The following TAF4B variants were observed in gnomAD, a reference collection of about 807,000 sequenced individuals.
The protein encoded by TAF4B is transcription initiation factor TFIID subunit 4B.
TAF4B carries 38 observed loss-of-function variants against 86.4 expected under a neutral mutation model. That is an observed-to-expected ratio of 0.44 (90% CI 0.34 to 0.58). The LOEUF is 0.58. Ranked by LOEUF, TAF4B falls within the 20% of genes least tolerant of loss-of-function variation. TAF4B has a pLI of 0.02. For missense variants in TAF4B, 988 were observed against 1,027.6 expected (o/e 0.96, Z 0.53); for synonymous variants, 388 against 391.2 (o/e 0.99, Z 0.10).
At position 26,345,382 on chromosome 18, in the gene TAF4B, C is replaced by T. The variant is rs76554658; in HGVS notation, c.2316+10151C>T. 5.4e-4 allele frequency among the ~76,000 whole-genome samples: 83 copies of T among 152,324 alleles called. 1 individual carries two copies. The highest frequency in any genetic ancestry group is 1.8e-3 in the African/African-American group (76 of 41,574). On this transcript the variant is annotated intron_variant, in intron 13 of 14. Transcript: ENST00000269142. ...GGGCTGCTCCTTGCAGGCATGTCCT[C>T]GGGCCGGCTGAGCAACCCTGTGTAT...
At chr18:26,278,244 G>A (rs183616902) in intron 5 of TAF4B, among the ~76,000 whole-genome samples, 2 of 152,238 alleles carry the variant, frequency 1.3e-5, no homozygotes, top group East Asian at 1.9e-4. Context: ...TTGAGATTTA[G>A]TAAAGTTAAT....
At chr18:26,362,232 A>T (rs917754423) in intron 14 of TAF4B, among the ~76,000 whole-genome samples, 3 of 152,126 alleles carry the variant, frequency 2.0e-5, no homozygotes, top group Non-Finnish European at 4.4e-5. Flanking sequence ...CCACCTGTAA[A>T]ATGGGCATAT....
intron 11 of TAF4B, among the ~76,000 whole-genome samples, chr18:26,321,710 T>G (rs997706735): frequency 6.6e-6 from 1 of 152,168 alleles, no homozygotes; most frequent in South Asian, 2.1e-4. Flanking sequence ...TTATCTCAAA[T>G]CTACCCATTT....
chr18:26,381,525 G>T (rs936927843), intron 14 of TAF4B, among the ~76,000 whole-genome samples: 2 of 151,798 alleles, frequency 1.3e-5, no homozygotes, highest in East Asian at 2.0e-4. Flanking sequence ...TCAGGAGTTC[G>T]AGACCAGCCT....
At chr18:26,277,144 G>A (rs1032587249) in intron 5 of TAF4B, among the ~76,000 whole-genome samples, 16 of 152,004 alleles carry the variant, frequency 1.1e-4, no homozygotes, top group African/African-American at 3.6e-4. Flanking sequence ...GTGCAGTGGC[G>A]TGAACAAGGC....
intron 14 of TAF4B, among the ~76,000 whole-genome samples, chr18:26,362,976 A>G (rs189957506): frequency 1.1e-4 from 16 of 152,340 alleles, no homozygotes; most frequent in Admixed American, 5.2e-4. Flanking sequence ...ATTATGTAGT[A>G]TAAGTAATCC....
In TAF4B at chr18:26,226,700, G is replaced by A. The variant is rs1245651909; in HGVS notation, c.-234G>A. The A allele has an allele frequency of 1.0e-5, 4 of 396,686 alleles. No homozygotes were observed. Among genetic ancestry groups the A allele is most frequent in the Middle Eastern group, 6.2e-4 (1 of 1,616 alleles). The allele number at this position is 396,686 out of a possible 1,614,324, so 24.6% of individuals were successfully genotyped here. A position where few individuals can be genotyped will look rare whatever the true frequency, so the allele number is the denominator to read the frequency against. Reference sequence around the variant, plus strand: ...CTGAGGAAGCTGCGAGAGGTCGGGCGGGTGTCGCTCCGGGGGCAGCCCAGG... The same window carrying A: ...CTGAGGAAGCTGCGAGAGGTCGGGCAGGTGTCGCTCCGGGGGCAGCCCAGG... On this transcript the variant is annotated 5_prime_UTR_variant, in exon 1 of 15. Coordinates refer to ENST00000269142, the MANE Select transcript of TAF4B (RefSeq NM_005640.3).
At chr18:26,252,103 C>G (rs932502432) in intron 1 of TAF4B, among the ~76,000 whole-genome samples, 2 of 152,196 alleles carry the variant, frequency 1.3e-5, no homozygotes, top group East Asian at 3.8e-4. Context: ...GAACATGGAT[C>G]TCTTTCCATT....
At chr18:26,241,939 G>A (rs576464394) in intron 1 of TAF4B, among the ~76,000 whole-genome samples, 223 of 152,260 alleles carry the variant, frequency 1.5e-3, no homozygotes, top group African/African-American at 5.0e-3. Flanking sequence ...ATTGCCCTGT[G>A]GTCTGAGAGG....
At chr18:26,238,441 G>T (rs1328290560) in intron 1 of TAF4B, among the ~76,000 whole-genome samples, 5 of 152,020 alleles carry the variant, frequency 3.3e-5, no homozygotes, top group Admixed American at 6.6e-5. Context: ...TCTGAGGAGG[G>T]ATCCTAAAAT....
chr18:26,319,475 G>A lies in TAF4B; in HGVS notation c.2003-1595G>A, dbSNP rs893947173. Among the ~76,000 whole-genome samples, 7 of 152,096 alleles carry A rather than the reference G, an allele frequency of 4.6e-5. No individual in the cohort carries two copies. In the East Asian group the frequency reaches 9.6e-4, roughly 21 times the overall value. ...AGATTGCACCACTGCACTCCAGCCT[G>A]GGTGACAGAGCAAGACTCCATCTCA... On this transcript the variant is annotated intron_variant, in intron 10 of 14. Coordinates refer to ENST00000269142, the MANE Select transcript of TAF4B (RefSeq NM_005640.3).
intron 9 of TAF4B, among the ~76,000 whole-genome samples, chr18:26,314,003 G>T (rs960682538): frequency 6.6e-6 from 1 of 152,064 alleles, no homozygotes; most frequent in African/African-American, 2.4e-5. Context: ...TCTTATATGT[G>T]TTTGAGTATG....
At chr18:26,255,242 A>T (rs1245235181) in intron 1 of TAF4B, among the ~76,000 whole-genome samples, 1 of 152,060 alleles carries the variant, frequency 6.6e-6, no homozygotes, top group Non-Finnish European at 1.5e-5. Context: ...CCTATGAAAT[A>T]CTCAGCATCT....
Position 26,292,395 on chromosome 18 carries a change from C to T in TAF4B, c.1726+14C>T, listed in dbSNP as rs2144611910. On this transcript the variant is annotated intron_variant, in intron 8 of 14. Transcript: ENST00000269142. The stretch of plus-strand genomic sequence containing the variant: ...AGTTTCCTCCAGGTAGATGCTGGTC[C>T]ATCTCAGTCCCATCATGCTGGGTTA... The T allele has an allele frequency of 6.2e-7, 1 of 1,603,872 alleles. No individual in the cohort carries two copies. The highest frequency in any genetic ancestry group is 1.1e-5 in the South Asian group (1 of 88,926).
chr18:26,308,019 G>A (rs1329487738), intron 9 of TAF4B, among the ~76,000 whole-genome samples: 1 of 152,108 alleles, frequency 6.6e-6, no homozygotes, highest in Non-Finnish European at 1.5e-5. Context: ...GAGGCAGGGA[G>A]AATTGCTTGA....
At chr18:26,388,490 G>C (rs1428882052) in intron 14 of TAF4B, among the ~76,000 whole-genome samples, 1 of 152,248 alleles carries the variant, frequency 6.6e-6, no homozygotes, top group East Asian at 1.9e-4. Context: ...TTATGGTCTA[G>C]TGGGTATGTA....
Position 26,292,302 on chromosome 18 carries a change from C to G in TAF4B, c.1647C>G (p.Ser549=), listed in dbSNP as rs764376301. 2 of 1,614,132 alleles carry G rather than the reference C, an allele frequency of 1.2e-6. No homozygotes were observed. The highest frequency in any genetic ancestry group is 1.7e-6 in the Non-Finnish European group (2 of 1,180,006). ...AACAAGTGACCACAATTTCACATTC[C>G]TCAACATTGACCATTCAGAAATGTG... The part of the protein sequence containing the change: ...NEKQVTTISH[S]STLTIQKCGQ... Residue 549 remains serine, a synonymous_variant, in exon 8 of 15, where the codon TCC becomes TCG. Coordinates refer to ENST00000269142, the MANE Select transcript of TAF4B (RefSeq NM_005640.3).
At chr18:26,346,169 G>T (rs1791760) in intron 13 of TAF4B, among the ~76,000 whole-genome samples, 3 of 152,092 alleles carry the variant, frequency 2.0e-5, no homozygotes, top group Non-Finnish European at 4.4e-5. Context: ...GATAGATATC[G>T]TAATAAAGAA....
In TAF4B at chr18:26,254,726, G is replaced by A. The variant is rs116378909; in HGVS notation, c.344-10444G>A. 7.8e-3 allele frequency among the ~76,000 whole-genome samples: 1,185 copies of A among 152,284 alleles called. 14 individuals are homozygous for A. Among genetic ancestry groups the A allele is most frequent in the African/African-American group, 0.027 (1,122 of 41,546 alleles). On this transcript the variant is annotated intron_variant, in intron 1 of 14. Coordinates refer to ENST00000269142, the MANE Select transcript of TAF4B (RefSeq NM_005640.3). ...ACAGGGTCTCGCCTGTCCTAGAGAC[G>A]TGCCATTTCCCTAAGAGGAGCTTTG...
Sources: allele counts gnomAD v4.1 joint callset (sites outside exome capture counted in the v4.1 genomes callset), GRCh38; gene constraint gnomAD v4.1.1; transcripts MANE v1.5; gene names NCBI Gene and HGNC (gene_info 2026-07-23, HGNC 2026-07-21).